Variants in SGCZ observed in about 807,000 individuals in gnomAD.
SGCZ encodes the protein zeta-sarcoglycan.
In SGCZ, 40 loss-of-function variants were observed where a neutral mutation model predicts 41.3. That is an observed-to-expected ratio of 0.97 (90% CI 0.75 to 1.26). SGCZ has a LOEUF of 1.26. Ranked by LOEUF, SGCZ falls within the 50% of genes most tolerant of loss-of-function variation. The pLI is 0.00. For missense variants in SGCZ, 552 were observed against 369.8 expected, an observed-to-expected ratio of 1.49 and a Z score of -4.04; for synonymous variants, 206 against 137.5, an observed-to-expected ratio of 1.50 and a Z score of -3.49.
At chr8:14,477,052 A>AT (rs1294195269) in intron 2 of SGCZ, among the ~76,000 whole-genome samples, 1 of 152,096 alleles carries the variant, frequency 6.6e-6, no homozygotes, top group Non-Finnish European at 1.5e-5. Flanking sequence ...TTTTCACCTA[A>AT]TTTTTGATTT....
intron 1 of SGCZ, among the ~76,000 whole-genome samples, chr8:14,938,085 T>A (rs1276785906): frequency 1.3e-5 from 2 of 152,162 alleles, no homozygotes; most frequent in African/African-American, 4.8e-5. Flanking sequence ...CATATATACA[T>A]AATGATGCAT....
chr8:14,654,775 G>A (rs992851303), intron 1 of SGCZ, among the ~76,000 whole-genome samples: 1 of 151,182 alleles, frequency 6.6e-6, no homozygotes, highest in Non-Finnish European at 1.5e-5. Context: ...AACTTTAGGT[G>A]TTTTATTTCC....
chr8:14,518,844 G>T (rs1176914270), intron 2 of SGCZ, among the ~76,000 whole-genome samples: 1 of 146,816 alleles, frequency 6.8e-6, no homozygotes, highest in African/African-American at 2.5e-5. Context: ...ATCACTTGAC[G>T]CCAGGAGTTC....
chr8:14,915,136 G>T (rs1450224500), intron 1 of SGCZ, among the ~76,000 whole-genome samples: 1 of 151,940 alleles, frequency 6.6e-6, no homozygotes, highest in Non-Finnish European at 1.5e-5. Context: ...AAAAACTCTG[G>T]ATATCTTCCC....
intron 4 of SGCZ, chr8:14,164,909 A>G (rs989902980): frequency 3.5e-6 from 2 of 567,728 alleles, no homozygotes; most frequent in Non-Finnish European, 6.0e-6. Context: ...GGTTAGGCAT[A>G]CAGGTGACCT....
intron 2 of SGCZ, among the ~76,000 whole-genome samples, chr8:14,326,304 AT>A (rs796467679): frequency 5.3e-5 from 8 of 152,056 alleles, no homozygotes; most frequent in African/African-American, 1.9e-4. Flanking sequence ...TTGAGGGAAT[AT>A]AATGGCCTAA....
At chr8:14,428,816 A>C (rs1187365114) in intron 2 of SGCZ, among the ~76,000 whole-genome samples, 1 of 152,212 alleles carries the variant, frequency 6.6e-6, no homozygotes, top group Admixed American at 6.5e-5. Context: ...CATGGATATA[A>C]GTTCACATGT....
At chr8:14,519,723 T>C (rs555893726) in intron 2 of SGCZ, among the ~76,000 whole-genome samples, 2 of 152,238 alleles carry the variant, frequency 1.3e-5, no homozygotes, top group South Asian at 4.1e-4. Context: ...TCATACTCCA[T>C]TATTTATTTT....
At chr8:14,702,813 GTAGATAGATAGATAGA>G (rs71209077) in intron 1 of SGCZ, among the ~76,000 whole-genome samples, 9,831 of 114,912 alleles carry the variant, frequency 0.086, 487 homozygotes, top group Admixed American at 0.11. Flanking sequence ...AGGTAGTTAG[GTAGATAGATAGATAGA>G]TAGATAGATA....
chr8:14,465,682 G>T (rs926937407), intron 2 of SGCZ, among the ~76,000 whole-genome samples: 5 of 151,344 alleles, frequency 3.3e-5, no homozygotes, highest in African/African-American at 1.2e-4. Flanking sequence ...CTTTGTGGTT[G>T]CCATGGGGAT....
chr8:14,587,951 C>T (rs10095644), intron 1 of SGCZ, among the ~76,000 whole-genome samples: 5,598 of 152,094 alleles, frequency 0.037, 236 homozygotes, highest in African/African-American at 0.1. Context: ...TTATAGAATA[C>T]TTCATGGGTA....
intron 2 of SGCZ, among the ~76,000 whole-genome samples, chr8:14,478,792 T>C (rs577147437): frequency 1.2e-3 from 186 of 152,336 alleles, no homozygotes; most frequent in African/African-American, 4.4e-3. Context: ...ACAGTTCTTA[T>C]TTATTTTCTC....
chr8:15,149,711 C>CAAAAAA (rs750167614), intron 1 of SGCZ, among the ~76,000 whole-genome samples: 23 of 57,246 alleles, frequency 4.0e-4, no homozygotes, highest in East Asian at 6.9e-4. Flanking sequence ...CTATAAACTA[C>CAAAAAA]AAAAAAAAAA....
At chr8:14,914,368 A>G (rs1470516698) in intron 1 of SGCZ, among the ~76,000 whole-genome samples, 3 of 152,060 alleles carry the variant, frequency 2.0e-5, no homozygotes, top group Admixed American at 2.0e-4. Flanking sequence ...CTTTCTCACA[A>G]TGACAACTGT....
intron 1 of SGCZ, among the ~76,000 whole-genome samples, chr8:15,115,291 C>T (rs967639220): frequency 2.0e-5 from 3 of 152,064 alleles, no homozygotes; most frequent in Non-Finnish European, 4.4e-5. Context: ...CAGCAAGTGA[C>T]ACATAAATGA....
intron 1 of SGCZ, among the ~76,000 whole-genome samples, chr8:14,827,822 A>T (rs185321380): frequency 6.6e-6 from 1 of 152,284 alleles, no homozygotes; most frequent in East Asian, 1.9e-4. Flanking sequence ...ACGGATACAC[A>T]TATACATAAA....
At chr8:14,278,231 C>A (rs185639169) in intron 3 of SGCZ, among the ~76,000 whole-genome samples, 1 of 152,260 alleles carries the variant, frequency 6.6e-6, no homozygotes, top group Admixed American at 6.5e-5. Flanking sequence ...GGTATTTAAG[C>A]TTCAGCCATC....
intron 6 of SGCZ, among the ~76,000 whole-genome samples, chr8:14,105,279 A>G (rs1802168854): frequency 6.6e-6 from 1 of 152,148 alleles, no homozygotes; most frequent in South Asian, 2.1e-4. Flanking sequence ...CTGAATAAAT[A>G]AGTTATAGAA....
intron 3 of SGCZ, among the ~76,000 whole-genome samples, chr8:14,258,574 ACTATATTAAGTAAAATTATAT>A (rs1799546391): frequency 6.6e-6 from 1 of 152,112 alleles, no homozygotes; most frequent in African/African-American, 2.4e-5. Flanking sequence ...AAATACTGAT[ACTATATTAAGTAAAATTATAT>A]TGAAAATTTA....
Sources: allele counts gnomAD v4.1 joint callset (sites outside exome capture counted in the v4.1 genomes callset), GRCh38; gene constraint gnomAD v4.1.1; transcripts MANE v1.5; gene names NCBI Gene and HGNC (gene_info 2026-07-23, HGNC 2026-07-21).